Variants in OSBPL8 observed in about 807,000 individuals in gnomAD.
The protein encoded by OSBPL8 is oxysterol-binding protein-related protein 8.
A neutral mutation model predicts 125.5 loss-of-function variants in OSBPL8; 59 were observed. The ratio of observed to expected loss-of-function variants is 0.47; its 90% CI spans 0.38 to 0.58. The LOEUF (loss-of-function observed/expected upper bound fraction) is 0.58. OSBPL8 is among the 20% of genes least tolerant of loss of function. OSBPL8 has a pLI of 0.00. For missense variants in OSBPL8, 758 were observed against 1,047.8 expected (o/e 0.72, Z 3.82); for synonymous variants, 330 against 338.9 (o/e 0.97, Z 0.29).
chr12:76,402,665 T>C lies in OSBPL8; in HGVS notation c.366+24A>G, dbSNP rs1290127975. The C allele has an allele frequency of 4.6e-6, 7 of 1,533,416 alleles. No individual in the cohort carries two copies. In the African/African-American group the frequency reaches 6.8e-5, roughly 15 times the overall value. The allele number at this position is 1,533,416 out of a possible 1,614,324, so 95.0% of individuals were successfully genotyped here. The stretch of plus-strand genomic sequence containing the variant: ...CATGCAAAGCACAATGTAAATTACC[T>C]TTCAGAAACAACTGGAAACTAACCT... On this transcript the variant is annotated intron_variant, in intron 6 of 23. Transcript: ENST00000261183.
At chr12:76,398,645 C>A (rs1174866623) in intron 7 of OSBPL8, among the ~76,000 whole-genome samples, 2 of 151,984 alleles carry the variant, frequency 1.3e-5, no homozygotes, top group Non-Finnish European at 2.9e-5. Context: ...ATATTTAGAT[C>A]AAAAATAAGA....
intron 4 of OSBPL8, among the ~76,000 whole-genome samples, chr12:76,418,010 CTTT>C (rs35319213): frequency 2.7e-5 from 3 of 111,556 alleles, no homozygotes; most frequent in Non-Finnish European, 5.4e-5. Flanking sequence ...TTTTCACTAC[CTTT>C]TTTTTTTTTT....
intron 2 of OSBPL8, among the ~76,000 whole-genome samples, chr12:76,483,066 C>T (rs1877707497): frequency 6.6e-6 from 1 of 152,112 alleles, no homozygotes; most frequent in East Asian, 1.9e-4. Flanking sequence ...TCAAGACCAG[C>T]CTGGCCAATA....
intron 1 of OSBPL8, among the ~76,000 whole-genome samples, chr12:76,545,388 T>C (rs931764318): frequency 1.3e-5 from 2 of 152,228 alleles, no homozygotes; most frequent in Admixed American, 6.5e-5. Context: ...TTCTCATTTA[T>C]TAAGTATGAT....
intron 4 of OSBPL8, among the ~76,000 whole-genome samples, chr12:76,448,860 A>C (rs1288479330): frequency 1.3e-5 from 2 of 152,170 alleles, no homozygotes; most frequent in Non-Finnish European, 2.9e-5. Flanking sequence ...TAAAAACACA[A>C]AAATTAGCTG....
At chr12:76,516,428 C>T (rs1881537238) in intron 1 of OSBPL8, among the ~76,000 whole-genome samples, 1 of 152,186 alleles carries the variant, frequency 6.6e-6, no homozygotes, top group East Asian at 1.9e-4. Context: ...CTTTGTGCTT[C>T]CTCGTATTAT....
At chr12:76,365,056 C>G (rs7136020) in intron 21 of OSBPL8, among the ~76,000 whole-genome samples, 152,203 of 152,302 alleles carry the variant, frequency 1, 76,052 homozygotes, top group Non-Finnish European at 1. Flanking sequence ...TCTGGGCTCA[C>G]GTGATCCTCC....
intron 2 of OSBPL8, among the ~76,000 whole-genome samples, chr12:76,464,185 C>CT (rs1020168140): frequency 5.3e-5 from 8 of 152,160 alleles, no homozygotes; most frequent in African/African-American, 1.9e-4. Context: ...AGGAGGACTG[C>CT]TTGAGCCCAG....
intron 2 of OSBPL8, among the ~76,000 whole-genome samples, chr12:76,473,481 T>TCTAA (rs1876427359): frequency 6.6e-6 from 1 of 152,174 alleles, no homozygotes; most frequent in Non-Finnish European, 1.5e-5. Context: ...CAACCTTAGA[T>TCTAA]GCACATTGAA....
In OSBPL8 at chr12:76,355,892, C is replaced by T. The variant is rs750744563; in HGVS notation, c.2667G>A (p.Lys889=). ...LLQVIINFMF[K] The stretch of plus-strand genomic sequence containing the variant: ...CTGATTCAATGGTAGAGAACTTCTA[C>T]TTGAACATGAAGTTTATTATGACTT... Residue 889 remains lysine, a synonymous_variant, in exon 24 of 24, where the codon AAG becomes AAA. Coordinates refer to ENST00000261183, the MANE Select transcript of OSBPL8 (RefSeq NM_020841.5). 7.4e-6 allele frequency: 12 copies of T among 1,612,984 alleles called. No individual in the cohort carries two copies. Among genetic ancestry groups the T allele is most frequent in the African/African-American group, 1.3e-5 (1 of 74,842 alleles).
chr12:76,364,588 G>T (rs1344568186), intron 21 of OSBPL8, among the ~76,000 whole-genome samples: 1 of 152,110 alleles, frequency 6.6e-6, no homozygotes, highest in Admixed American at 6.6e-5. Flanking sequence ...ACCATGGCAC[G>T]TGTCTACCTA....
chr12:76,358,913 A>C, intron 21 of OSBPL8, 102 bp from the exon 22 acceptor site: 1 of 803,096 alleles, frequency 1.2e-6, no homozygotes, highest in Non-Finnish European at 2.1e-6. Context: ...CATGATATTC[A>C]GAAATAAAGA....
intron 1 of OSBPL8, among the ~76,000 whole-genome samples, chr12:76,509,517 G>A (rs994399279): frequency 6.6e-6 from 1 of 152,174 alleles, no homozygotes; most frequent in Non-Finnish European, 1.5e-5. Flanking sequence ...GATTAAAGCA[G>A]TCTATTCCAA....
intron 1 of OSBPL8, among the ~76,000 whole-genome samples, chr12:76,518,606 C>A (rs973471685): frequency 1.8e-4 from 27 of 152,238 alleles, no homozygotes; most frequent in Non-Finnish European, 3.8e-4. Context: ...AGGGCTCCAC[C>A]CCTGAGGCAG....
intron 2 of OSBPL8, among the ~76,000 whole-genome samples, chr12:76,469,160 A>G (rs1397673201): frequency 6.6e-6 from 1 of 152,148 alleles, no homozygotes; most frequent in African/African-American, 2.4e-5. Context: ...TTTCCATTCA[A>G]CATGATTTCC....
intron 1 of OSBPL8, among the ~76,000 whole-genome samples, chr12:76,508,508 A>C (rs1188993324): frequency 6.6e-6 from 1 of 152,190 alleles, no homozygotes; most frequent in Non-Finnish European, 1.5e-5. Context: ...GGGTAAAATA[A>C]GGCTGAGGCC....
intron 21 of OSBPL8, among the ~76,000 whole-genome samples, chr12:76,361,241 C>T (rs1032288275): frequency 2.3e-4 from 35 of 152,262 alleles, no homozygotes; most frequent in Non-Finnish European, 3.7e-4. Flanking sequence ...GTTCAAAGTT[C>T]CACAAATCTC....
At chr12:76,501,002 C>T (rs1348231086) in intron 1 of OSBPL8, among the ~76,000 whole-genome samples, 1 of 152,160 alleles carries the variant, frequency 6.6e-6, no homozygotes, top group East Asian at 1.9e-4. Context: ...TAGTAGGCAT[C>T]TGAGTTTGTG....
intron 1 of OSBPL8, among the ~76,000 whole-genome samples, chr12:76,546,014 T>C (rs74105516): frequency 0.043 from 6,610 of 152,232 alleles, 517 homozygotes; most frequent in African/African-American, 0.15. Context: ...CTGAAAACAC[T>C]GGATTCGTAA....
Sources: gnomAD v4.1 joint callset for allele counts (sites outside exome capture counted in the v4.1 genomes callset) on GRCh38, gnomAD v4.1.1 for gene constraint, MANE v1.5 for transcripts, NCBI Gene and HGNC (gene_info 2026-07-23, HGNC 2026-07-21) for gene names.